Variants in ANKRD55 observed in about 807,000 individuals in gnomAD.
The protein encoded by ANKRD55 is ankyrin repeat domain 55.
Under a neutral mutation model 60.6 loss-of-function variants are expected in ANKRD55, and 41 were observed. The ratio of observed to expected loss-of-function variants is 0.68; its 90% confidence interval spans 0.53 to 0.88. ANKRD55 has a LOEUF of 0.88. Ranked by LOEUF, ANKRD55 falls within the 40% of genes least tolerant of loss-of-function variation. The probability of loss-of-function intolerance (pLI) is 0.00; values close to 1 mark genes in which losing one functional copy is unlikely to be tolerated. For synonymous variants in ANKRD55, 264 were observed against 290.3 expected, an observed-to-expected ratio of 0.91 and a Z score of 0.92; for missense variants, 732 against 767.6, an observed-to-expected ratio of 0.95 and a Z score of 0.55.
chr5:56,115,013 T>A (rs1024891930), intron 9 of ANKRD55, among the ~76,000 whole-genome samples: 1 of 151,532 alleles, frequency 6.6e-6, no homozygotes, highest in African/African-American at 2.4e-5. Context: ...AGTGAGGCCA[T>A]CTCTACAAAA....
rs1758734239 is a variant in ANKRD55 at position 56,176,201 on chromosome 5, T to A, written c.263A>T (p.Asn88Ile). ...TGTGCGGCCATAAGCATCCTGCATGTTAATATTGGCTCCCATCTTCAACAG... is the reference window on the plus strand; with the variant it reads ...TGTGCGGCCATAAGCATCCTGCATGATAATATTGGCTCCCATCTTCAACAG... ...KLLLKMGANI[N>I]MQDAYGRTSL... is the part of the protein sequence containing the mutation. The change falls in exon 4 of 12, where the codon AAC becomes ATC. Residue 88 changes from asparagine (N) to isoleucine (I), a missense_variant. This residue lies in a region of ANKRD55 where 131 missense variants were observed against 142.7 expected (regional missense o/e 0.92). Transcript: ENST00000341048. 3 of 1,614,068 alleles carry A rather than the reference T, an allele frequency of 1.9e-6. No homozygotes were observed. In the Admixed American group the frequency reaches 5.0e-5, roughly 27 times the overall value.
At chr5:56,126,240 T>C (rs189909974) in intron 8 of ANKRD55, among the ~76,000 whole-genome samples, 1 of 152,342 alleles carries the variant, frequency 6.6e-6, no homozygotes, top group Admixed American at 6.5e-5. Context: ...CTCAAGTCTA[T>C]ACTTATTTTT....
chr5:56,214,641 G>C (rs1249392230), intron 2 of ANKRD55, among the ~76,000 whole-genome samples: 6 of 152,198 alleles, frequency 3.9e-5, no homozygotes, highest in African/African-American at 1.4e-4. Flanking sequence ...TTACTCCACT[G>C]TACCACTGCT....
intron 4 of ANKRD55, among the ~76,000 whole-genome samples, chr5:56,173,576 C>A (rs200782170): frequency 0.095 from 7,876 of 82,986 alleles, 357 homozygotes; most frequent in African/African-American, 0.12. Flanking sequence ...CTCTCTCTCT[C>A]TCTCTCTATA....
chr5:56,215,987 C>T (rs1288672812), intron 2 of ANKRD55, among the ~76,000 whole-genome samples: 1 of 151,692 alleles, frequency 6.6e-6, no homozygotes, highest in Non-Finnish European at 1.5e-5. Flanking sequence ...TGGGAATAGG[C>T]TGGGGTTAAG....
At chr5:56,210,510 C>T (rs961426992) in intron 2 of ANKRD55, among the ~76,000 whole-genome samples, 1 of 138,388 alleles carries the variant, frequency 7.2e-6, no homozygotes, top group Non-Finnish European at 1.5e-5. Context: ...TGCAGTGAGC[C>T]GAGATCGCGC....
intron 6 of ANKRD55, among the ~76,000 whole-genome samples, chr5:56,153,552 G>C (rs955312993): frequency 2.0e-5 from 3 of 152,136 alleles, no homozygotes; most frequent in African/African-American, 7.2e-5. Flanking sequence ...AAAGGAATGA[G>C]CCACAGGCTG....
At chr5:56,211,361 C>T (rs1352338542) in intron 2 of ANKRD55, among the ~76,000 whole-genome samples, 1 of 152,154 alleles carries the variant, frequency 6.6e-6, no homozygotes, top group Non-Finnish European at 1.5e-5. Flanking sequence ...TCACTGTATG[C>T]CCAGCACTGT....
intron 9 of ANKRD55, 21 bp from the exon 10 acceptor site, chr5:56,111,803 A>G: frequency 6.8e-7 from 1 of 1,477,804 alleles, no homozygotes; most frequent in Non-Finnish European, 8.9e-7. Flanking sequence ...ATAAAAGAGC[A>G]GGGATGATAT....
intron 4 of ANKRD55, among the ~76,000 whole-genome samples, chr5:56,175,579 G>C (rs1204896591): frequency 6.6e-6 from 1 of 152,078 alleles, no homozygotes; most frequent in East Asian, 1.9e-4. Flanking sequence ...AATCTCTACC[G>C]GTGAGGACTA....
intron 6 of ANKRD55, among the ~76,000 whole-genome samples, chr5:56,153,090 A>C (rs995114275): frequency 6.6e-6 from 1 of 152,194 alleles, no homozygotes; most frequent in Non-Finnish European, 1.5e-5. Context: ...GATCAATAAG[A>C]AAATGACAAC....
At chr5:56,212,915 T>A (rs954850751) in intron 2 of ANKRD55, among the ~76,000 whole-genome samples, 1 of 152,120 alleles carries the variant, frequency 6.6e-6, no homozygotes, top group African/African-American at 2.4e-5. Context: ...TTAAATAACA[T>A]AAGGGGGAAA....
At chr5:56,135,246 C>T (rs1025531376) in intron 7 of ANKRD55, among the ~76,000 whole-genome samples, 10 of 137,888 alleles carry the variant, frequency 7.3e-5, no homozygotes, top group Non-Finnish European at 1.3e-4. Flanking sequence ...TTCCTTCCTT[C>T]CTTCCTTCCT....
At chr5:56,143,673 T>G in intron 7 of ANKRD55, 128 bp downstream of exon 7, 10 of 1,371,938 alleles carry the variant, frequency 7.3e-6, no homozygotes, top group Non-Finnish European at 1.0e-5. Context: ...CAGGGTTTCT[T>G]TTCAACAAGT....
chr5:56,106,754 C>T (rs559562131), intron 10 of ANKRD55, among the ~76,000 whole-genome samples: 1 of 151,946 alleles, frequency 6.6e-6, no homozygotes, highest in African/African-American at 2.4e-5. Context: ...ATCTATAATG[C>T]CAGCATTTTG....
In ANKRD55 at chr5:56,166,114, C is replaced by CTTTCTTTCTT. The variant is rs1472106081; in HGVS notation, c.422+4570_422+4579dup. Among the ~76,000 whole-genome samples, 8 of 55,654 alleles carry CTTTCTTTCTT rather than the reference C, an allele frequency of 1.4e-4. No individual in the cohort carries two copies. The Middle Eastern group carries it at 0.021, about 145-fold the overall frequency. 36.5% of individuals were successfully genotyped at this position (55,654 alleles called of 152,430 possible). A position where few individuals can be genotyped will look rare whatever the true frequency, so the allele number is the denominator to read the frequency against. The stretch of plus-strand genomic sequence containing the variant: ...TCTTTCTTTCTTTCTTTCTTTCTTT[C>CTTTCTTTCTT]TTTCTTTCTTTCTTTCTTTCTTTCT... On this transcript the variant is annotated intron_variant, in intron 5 of 11. Coordinates refer to ENST00000341048, the MANE Select transcript of ANKRD55 (RefSeq NM_024669.3).
At chr5:56,137,359 G>A (rs1757634184) in intron 7 of ANKRD55, 6 of 1,294,452 alleles carry the variant, frequency 4.6e-6, no homozygotes, top group Non-Finnish European at 5.5e-6. Flanking sequence ...ATGTGCCCCT[G>A]GACCTACAGA....
intron 3 of ANKRD55, among the ~76,000 whole-genome samples, chr5:56,179,304 T>C (rs1212055066): frequency 6.6e-6 from 1 of 152,160 alleles, no homozygotes; most frequent in Non-Finnish European, 1.5e-5. Flanking sequence ...ATGTAAATTT[T>C]ATAAATCAAA....
intron 5 of ANKRD55, among the ~76,000 whole-genome samples, chr5:56,166,878 A>G (rs897476166): frequency 6.6e-5 from 10 of 152,236 alleles, no homozygotes; most frequent in African/African-American, 2.2e-4. Flanking sequence ...CTAATGAATC[A>G]TGAGCCAGGA....
Sources: allele counts gnomAD v4.1 joint callset (sites outside exome capture counted in the v4.1 genomes callset), GRCh38; gene constraint gnomAD v4.1.1; regional missense constraint gnomAD v4.1.1; transcripts MANE v1.5; gene names NCBI Gene and HGNC (gene_info 2026-07-23, HGNC 2026-07-21).